KDM7A: variants seen among roughly 807,000 people sequenced by gnomAD.
KDM7A encodes the protein lysine demethylase 7A.
Under a neutral mutation model 114.8 loss-of-function variants are expected in KDM7A, and 28 were observed. The observed-to-expected ratio is 0.24, with a 90% CI of 0.18 to 0.33. The LOEUF is 0.33. Ranked by LOEUF, KDM7A falls within the 10% of genes least tolerant of loss-of-function variation. The pLI is 1.00. For synonymous variants in KDM7A, 423 were observed against 397.8 expected, an observed-to-expected ratio of 1.06 and a Z score of -0.75; for missense variants, 942 against 1,142.5, an observed-to-expected ratio of 0.82 and a Z score of 2.53.
intron 1 of KDM7A, among the ~76,000 whole-genome samples, chr7:140,144,378 G>C (rs894483528): frequency 3.3e-5 from 5 of 152,166 alleles, no homozygotes; most frequent in Admixed American, 6.5e-5. Flanking sequence ...CTAAAGGTAA[G>C]AGCTAACACT....
intron 1 of KDM7A, among the ~76,000 whole-genome samples, chr7:140,150,147 G>A (rs1465562881): frequency 2.0e-5 from 3 of 152,086 alleles, no homozygotes; most frequent in Non-Finnish European, 4.4e-5. Context: ...TGGAAAATGG[G>A]AAAACCTTCC....
intron 1 of KDM7A, among the ~76,000 whole-genome samples, chr7:140,165,709 CT>C (rs1181657617): frequency 6.6e-6 from 1 of 152,132 alleles, no homozygotes; most frequent in African/African-American, 2.4e-5. Flanking sequence ...GGTATCAATG[CT>C]TGTGTTCAGC....
intron 5 of KDM7A, 72 bp downstream of exon 5, chr7:140,127,370 A>C (rs1358586796): frequency 7.5e-6 from 10 of 1,332,356 alleles, no homozygotes; most frequent in African/African-American, 1.5e-5. Flanking sequence ...TTTCTTCCTA[A>C]AATAAATACA....
At chr7:140,145,666 A>C (rs1225415064) in intron 1 of KDM7A, among the ~76,000 whole-genome samples, 1 of 152,316 alleles carries the variant, frequency 6.6e-6, no homozygotes, top group East Asian at 1.9e-4. Context: ...CTATACTCCC[A>C]CCAAAACAGA....
intron 1 of KDM7A, among the ~76,000 whole-genome samples, chr7:140,143,005 C>G (rs548011967): frequency 2.2e-4 from 34 of 151,792 alleles, no homozygotes; most frequent in African/African-American, 8.0e-4. Context: ...CACGGTGAAA[C>G]CCCATCTCTA....
chr7:140,099,139 T>C, intron 13 of KDM7A, 106 bp from the exon 14 acceptor site: 1 of 866,284 alleles, frequency 1.2e-6, no homozygotes, highest in Non-Finnish European at 1.8e-6. Flanking sequence ...ATTGAGACAC[T>C]GTCCCCATAT....
At chr7:140,103,843 G>A (rs1392361218) in intron 11 of KDM7A, among the ~76,000 whole-genome samples, 1 of 152,172 alleles carries the variant, frequency 6.6e-6, no homozygotes. Context: ...GGATGGCTGG[G>A]TCAAATGGTA....
At chr7:140,110,580 C>G (rs530995071) in intron 11 of KDM7A, among the ~76,000 whole-genome samples, 1 of 152,174 alleles carries the variant, frequency 6.6e-6, no homozygotes, top group East Asian at 1.9e-4. Flanking sequence ...TTAAAACACC[C>G]TTTCTTAAAC....
intron 1 of KDM7A, among the ~76,000 whole-genome samples, chr7:140,146,492 A>G (rs146434673): frequency 5.1e-4 from 77 of 152,344 alleles, no homozygotes; most frequent in African/African-American, 1.8e-3. Context: ...ACAACTCTGA[A>G]AGCAAATTTT....
chr7:140,104,605 A>G (rs1012558081), intron 11 of KDM7A, among the ~76,000 whole-genome samples: 5 of 152,054 alleles, frequency 3.3e-5, no homozygotes, highest in Admixed American at 6.6e-5. Flanking sequence ...ATGGTTGTAG[A>G]TGTGTGGTAT....
chr7:140,138,831 C>T (rs1818909590), intron 2 of KDM7A, among the ~76,000 whole-genome samples: 1 of 152,060 alleles, frequency 6.6e-6, no homozygotes, highest in Non-Finnish European at 1.5e-5. Context: ...TTTACTTTAC[C>T]ACACTTCTCA....
intron 1 of KDM7A, among the ~76,000 whole-genome samples, chr7:140,168,785 C>T (rs1794606657): frequency 6.6e-6 from 1 of 152,042 alleles, no homozygotes; most frequent in Non-Finnish European, 1.5e-5. Flanking sequence ...TTGTTTCTCA[C>T]AAAAATATAG....
intron 11 of KDM7A, among the ~76,000 whole-genome samples, chr7:140,108,423 C>T (rs923382295): frequency 5.9e-5 from 9 of 152,040 alleles, no homozygotes; most frequent in African/African-American, 2.2e-4. Context: ...TTTTATCTAC[C>T]TTTGGTCTTT....
chr7:140,120,830 C>A (rs1186064390), intron 7 of KDM7A, among the ~76,000 whole-genome samples: 1 of 152,156 alleles, frequency 6.6e-6, no homozygotes. Context: ...TGATCTCAAA[C>A]TCCTGGCCTC....
chr7:140,154,770 C>T (rs977609535), intron 1 of KDM7A, among the ~76,000 whole-genome samples: 3 of 151,880 alleles, frequency 2.0e-5, no homozygotes, highest in Non-Finnish European at 1.5e-5. Context: ...CCACAAAACA[C>T]TTCATGGGTT....
chr7:140,169,841 GCTTA>G (rs1415353927), intron 1 of KDM7A, among the ~76,000 whole-genome samples: 2 of 152,156 alleles, frequency 1.3e-5, no homozygotes, highest in African/African-American at 4.8e-5. Flanking sequence ...TTTTTAAAAA[GCTTA>G]TGAGAGAACT....
chr7:140,144,572 GA>G (rs1794319435), intron 1 of KDM7A, among the ~76,000 whole-genome samples: 1 of 152,150 alleles, frequency 6.6e-6, no homozygotes, highest in Admixed American at 6.5e-5. Flanking sequence ...GCTGAGTATG[GA>G]AAAAGGTAGA....
chr7:140,169,650 C>T (rs568376454), intron 1 of KDM7A, among the ~76,000 whole-genome samples: 1 of 152,224 alleles, frequency 6.6e-6, no homozygotes, highest in South Asian at 2.1e-4. Context: ...CTCAGCCTCC[C>T]GGATAGCTGG....
intron 11 of KDM7A, among the ~76,000 whole-genome samples, chr7:140,104,834 T>G (rs1818300458): frequency 6.6e-6 from 1 of 152,198 alleles, no homozygotes; most frequent in South Asian, 2.1e-4. Context: ...GTGAAGAAAG[T>G]CATTGGTAGC....
Sources: allele counts gnomAD v4.1 joint callset (sites outside exome capture counted in the v4.1 genomes callset), GRCh38; gene constraint gnomAD v4.1.1; transcripts MANE v1.5; gene names NCBI Gene and HGNC (gene_info 2026-07-23, HGNC 2026-07-21).